Variants in CIROZ observed in about 807,000 individuals in gnomAD.
CIROZ encodes ciliated left-right organizer protein containing ZP-N domains, also known as ciliated left-right organizer ZP-N domains-containing protein.
the CIROZ span, chr1:10,949,751 G>A: frequency 6.3e-7 from 1 of 1,584,346 alleles, no homozygotes; most frequent in Non-Finnish European, 8.6e-7. Flanking sequence ...CTCTGGTCCT[G>A]GGGATGGTGG....
chr1:10,949,462 T>C, the CIROZ span: 26 of 840,782 alleles, frequency 3.1e-5, no homozygotes, highest in Non-Finnish European at 4.6e-5. Flanking sequence ...GGAAATATTC[T>C]GAATTTGAGG....
chr1:10,970,864 G>A, the CIROZ span, among the ~76,000 whole-genome samples: 2 of 150,918 alleles, frequency 1.3e-5, no homozygotes, highest in African/African-American at 2.4e-5. Context: ...ATGAGTACTC[G>A]CCAGGCATGG....
At chr1:10,980,083 AG>A in the CIROZ span, among the ~76,000 whole-genome samples, 2 of 152,198 alleles carry the variant, frequency 1.3e-5, no homozygotes, top group African/African-American at 4.8e-5. Flanking sequence ...CAGTTTAAAA[AG>A]CAATGTGAAA....
chr1:10,957,451 C>G, the CIROZ span: 56 of 972,584 alleles, frequency 5.8e-5, no homozygotes, highest in Non-Finnish European at 7.5e-5. Flanking sequence ...CAGAGCGGAG[C>G]GCTTTACGCT....
chr1:10,948,671 C>A, the CIROZ span: 2 of 1,610,050 alleles, frequency 1.2e-6, no homozygotes, highest in Non-Finnish European at 1.7e-6. Context: ...CCTGGACACC[C>A]TCTACAGGCT....
At chr1:10,947,402 G>A in the CIROZ span, among the ~76,000 whole-genome samples, 1 of 152,222 alleles carries the variant, frequency 6.6e-6, no homozygotes, top group East Asian at 1.9e-4. Context: ...CCCTCCCTCT[G>A]GGTTCCATGG....
chr1:10,964,308 G>C, the CIROZ span: 4 of 1,571,342 alleles, frequency 2.5e-6, no homozygotes, highest in Non-Finnish European at 3.5e-6. Flanking sequence ...GCAAATGAGA[G>C]AGGAAAATAC....
the CIROZ span, among the ~76,000 whole-genome samples, chr1:10,975,344 G>C: frequency 3.5e-3 from 516 of 149,556 alleles, 3 homozygotes; most frequent in African/African-American, 0.011. Flanking sequence ...AGCAGAGGTT[G>C]TGGTGAGCCG....
At chr1:10,958,998 G>T in the CIROZ span, among the ~76,000 whole-genome samples, 2 of 152,246 alleles carry the variant, frequency 1.3e-5, no homozygotes, top group African/African-American at 4.8e-5. Flanking sequence ...GGGCAGCTGG[G>T]GTCCTGGGCG....
At chr1:10,964,339 A>G in the CIROZ span, 1 of 1,503,898 alleles carries the variant, frequency 6.6e-7, no homozygotes, top group South Asian at 1.2e-5. Flanking sequence ...CTGCAATTAT[A>G]GGTCAGTCCC....
chr1:10,956,539 C>A, the CIROZ span, among the ~76,000 whole-genome samples: 2 of 151,420 alleles, frequency 1.3e-5, no homozygotes, highest in African/African-American at 2.4e-5. Context: ...GCAGTGGCAC[C>A]ATCTCGGCTC....
chr1:10,961,895 C>T, the CIROZ span, among the ~76,000 whole-genome samples: 4 of 151,590 alleles, frequency 2.6e-5, no homozygotes, highest in Non-Finnish European at 5.9e-5. Context: ...TACAGTGAGC[C>T]GAGATCACAC....
the CIROZ span, among the ~76,000 whole-genome samples, chr1:10,981,200 A>G: frequency 6.6e-6 from 1 of 152,196 alleles, no homozygotes; most frequent in South Asian, 2.1e-4. Flanking sequence ...CGTAATCCCA[A>G]TACTTTGGGA....
chr1:10,949,888 C>T, the CIROZ span: 2 of 1,310,294 alleles, frequency 1.5e-6, no homozygotes. Flanking sequence ...CTGAAGGGAC[C>T]ATGAGTGACC....
chr1:10,962,607 G>A, the CIROZ span, among the ~76,000 whole-genome samples: 1 of 152,158 alleles, frequency 6.6e-6, no homozygotes, highest in Non-Finnish European at 1.5e-5. Flanking sequence ...TGTAGGTTGT[G>A]CCTGTTCCAG....
chr1:10,961,946 C>T, the CIROZ span, among the ~76,000 whole-genome samples: 1 of 152,114 alleles, frequency 6.6e-6, no homozygotes, highest in African/African-American at 2.4e-5. Context: ...GACTCTGTCT[C>T]AAAATAAATA....
the CIROZ span, among the ~76,000 whole-genome samples, chr1:10,961,393 C>G: frequency 6.6e-6 from 1 of 152,100 alleles, no homozygotes; most frequent in Non-Finnish European, 1.5e-5. Flanking sequence ...TCCCGCTCAG[C>G]CCCTGCTCCT....
the CIROZ span, chr1:10,957,840 C>A: frequency 3.5e-6 from 5 of 1,433,344 alleles, no homozygotes; most frequent in Non-Finnish European, 3.8e-6. Flanking sequence ...TGAAGGGTCA[C>A]CTAGGAAGGC....
chr1:10,965,887 G>A, the CIROZ span, among the ~76,000 whole-genome samples: 3 of 151,996 alleles, frequency 2.0e-5, no homozygotes, highest in South Asian at 4.2e-4. Flanking sequence ...GAGTCACATG[G>A]TCTCGTGAGC....
Sources: allele counts gnomAD v4.1 joint callset (sites outside exome capture counted in the v4.1 genomes callset), GRCh38; gene constraint gnomAD v4.1.1; transcripts MANE v1.5; gene names NCBI Gene and HGNC (gene_info 2026-07-23, HGNC 2026-07-21).